Variants in HPS4 observed in about 807,000 individuals in gnomAD.
HPS4 encodes HPS4 biogenesis of lysosomal organelles complex 3 subunit 2, also known as BLOC-3 complex member HPS4.
Under a neutral mutation model 70.3 loss-of-function variants are expected in HPS4, and 44 were observed. The observed-to-expected ratio is 0.63, with a 90% confidence interval of 0.49 to 0.80. The LOEUF is 0.80. Ranked by LOEUF, HPS4 falls within the 30% of genes least tolerant of loss-of-function variation. HPS4 has a pLI of 0.00. For synonymous variants in HPS4, 377 were observed against 355.9 expected, an observed-to-expected ratio of 1.06 and a Z score of -0.67; for missense variants, 873 against 884.4, an observed-to-expected ratio of 0.99 and a Z score of 0.16.
chr22:26,458,320 C>T, intron 12 of HPS4, 125 bp downstream of exon 12: 1 of 1,218,744 alleles, frequency 8.2e-7, no homozygotes, highest in Non-Finnish European at 1.2e-6. Context: ...AGAAGAGAGC[C>T]CTGAACGCAG....
At chr22:26,483,829 G>T, upstream of HPS4, 4 of 1,277,848 alleles carry the variant, frequency 3.1e-6, no homozygotes, top group Non-Finnish European at 4.0e-6. Flanking sequence ...TCCAGCTCCT[G>T]GCAAGCCGGC....
At chr22:26,459,723 T>C (rs2086873954) in intron 11 of HPS4, among the ~76,000 whole-genome samples, 1 of 152,244 alleles carries the variant, frequency 6.6e-6, no homozygotes, top group Non-Finnish European at 1.5e-5. Context: ...GTGCCTCATT[T>C]TTCTAGTCAA....
chr22:26,453,435 A>G, intron 13 of HPS4, 31 bp from the exon 14 acceptor site: 1 of 1,611,970 alleles, frequency 6.2e-7, no homozygotes. Context: ...GCAACGGTCC[A>G]ATGCTGCTGG....
chr22:26,449,400 G>A (rs1412535033), downstream of HPS4, among the ~76,000 whole-genome samples: 1 of 146,178 alleles, frequency 6.8e-6, no homozygotes, highest in Non-Finnish European at 1.5e-5. Flanking sequence ...ATCTCAGCTC[G>A]GCTCACTGCA....
chr22:26,482,823 C>T (rs1332793234), intron 1 of HPS4: 1 of 152,244 alleles, frequency 6.6e-6, no homozygotes, highest in East Asian at 1.9e-4. Context: ...AAACTAAAAT[C>T]TGCGTTCCAG....
chr22:26,471,117 G>A, intron 6 of HPS4: 1 of 467,414 alleles, frequency 2.1e-6, no homozygotes, highest in Non-Finnish European at 4.0e-6. Context: ...CTGGGAGACC[G>A]ACTGTCTACC....
chr22:26,470,972 A>G, intron 6 of HPS4, 159 bp from the exon 7 acceptor site: 2 of 1,466,860 alleles, frequency 1.4e-6, no homozygotes, highest in Non-Finnish European at 1.9e-6. Flanking sequence ...ATGGCTTGGG[A>G]CTATTCTACC....
intron 8 of HPS4, chr22:26,467,279 T>C (rs1016626420): frequency 2.0e-5 from 3 of 152,248 alleles, no homozygotes; most frequent in Non-Finnish European, 4.4e-5. Flanking sequence ...GTAAATATTT[T>C]TGGCTTTGCA....
intron 12 of HPS4, 57 bp downstream of exon 12, chr22:26,458,388 T>C (rs2086583474): frequency 6.2e-7 from 1 of 1,605,402 alleles, no homozygotes. Context: ...AGTTCTCATC[T>C]CCACCCATCT....
chr22:26,455,109 T>C (rs913480553), intron 13 of HPS4, among the ~76,000 whole-genome samples: 6 of 151,566 alleles, frequency 4.0e-5, no homozygotes, highest in African/African-American at 9.7e-5. Flanking sequence ...TGTGGAGAAA[T>C]AGGAACACTT....
downstream of HPS4, among the ~76,000 whole-genome samples, chr22:26,450,857 C>T (rs1206876609): frequency 3.3e-5 from 5 of 152,234 alleles, no homozygotes; most frequent in East Asian, 9.6e-4. Context: ...TCCAGCCCTG[C>T]AGAACTGTGA....
chr22:26,452,994 A>G lies in HPS4; in HGVS notation c.*239T>C. On this transcript the variant is annotated 3_prime_UTR_variant, in exon 14 of 14. Coordinates refer to ENST00000398145, the MANE Select transcript of HPS4 (RefSeq NM_022081.6). ...GGGAGCCAAGCCCGTCCCGGCCCCA[A>G]CACTACCGATTAAATACAGTTCTTT... is the stretch of plus-strand genomic sequence containing the variant. 1.9e-6 allele frequency: 1 copy of G among 532,094 alleles called. No individual in the cohort carries two copies. The highest frequency in any genetic ancestry group is 3.4e-6 in the Non-Finnish European group (1 of 296,196). The allele number at this position is 532,094 out of a possible 1,614,324, so 33.0% of individuals were successfully genotyped here.
chr22:26,458,505 C>T lies in HPS4; in HGVS notation c.1786G>A (p.Ala596Thr), dbSNP rs1439040936. ...AAGTTGTAGGTGCTGCTCGTGGAGG[C>T]TGCCTCATCCCTGGGCAGCGTCTCT... ...LKETLPRDEA[A>T]STSSTYNFTH... The change falls in exon 12 of 14, where the codon GCC (alanine) becomes ACC (threonine). Residue 596 changes from alanine (A) to threonine (T), a missense_variant. Coordinates refer to ENST00000398145, the MANE Select transcript of HPS4 (RefSeq NM_022081.6). The T allele has an allele frequency of 6.2e-7, 1 of 1,614,050 alleles. No homozygotes were observed. Among genetic ancestry groups the T allele is most frequent in the Non-Finnish European group, 8.5e-7 (1 of 1,180,032 alleles).
At position 26,470,824 on chromosome 22, in the gene HPS4, C is replaced by A. The variant is rs1206465746; in HGVS notation, c.502-11G>T. 2 of 1,613,938 alleles carry A rather than the reference C, an allele frequency of 1.2e-6. No individual in the cohort carries two copies. Among genetic ancestry groups the A allele is most frequent in the Admixed American group, 1.7e-5 (1 of 59,992 alleles). ...CAACAGGGGCTCCACCTGTGCAGGG[C>A]AAGAGGCATCATGCCCACCCATCAG... On this transcript the variant is annotated splice_polypyrimidine_tract_variant and intron_variant, in intron 6 of 13. Transcript: ENST00000398145.
rs540080474 is a variant in HPS4 at position 26,454,701 on chromosome 22, C to T, written c.1956-1297G>A. Among the ~76,000 whole-genome samples, 407 of 152,316 alleles carry T rather than the reference C, an allele frequency of 2.7e-3. 1 individual carries two copies. Among genetic ancestry groups the T allele is most frequent in the Non-Finnish European group, 4.7e-3 (321 of 68,028 alleles). The stretch of plus-strand genomic sequence containing the variant: ...GACTTCACATCTAAAACACCAAAAG[C>T]AATGGCAACAAAAGCCAAAATTGAC... On this transcript the variant is annotated intron_variant, in intron 13 of 13. Transcript: ENST00000398145.
intron 10 of HPS4, among the ~76,000 whole-genome samples, 185 bp downstream of exon 10, chr22:26,465,270 T>G (rs1242679950): frequency 6.6e-6 from 1 of 152,218 alleles, no homozygotes; most frequent in Non-Finnish European, 1.5e-5. Flanking sequence ...TGAAAGCCAA[T>G]GTCATCTCTC....
At chr22:26,483,506 G>C (rs560646849) in intron 1 of HPS4, among the ~76,000 whole-genome samples, 168 bp downstream of exon 1, 1 of 152,362 alleles carries the variant, frequency 6.6e-6, no homozygotes, top group South Asian at 2.1e-4. Flanking sequence ...AGCCCCCGGG[G>C]CGCAGGCAGC....
At chr22:26,473,075 C>T in intron 4 of HPS4, 136 bp from the exon 5 acceptor site, 1 of 739,718 alleles carries the variant, frequency 1.4e-6, no homozygotes, top group Non-Finnish European at 2.4e-6. Flanking sequence ...CCTGAGTCCA[C>T]ACCCTTCATT....
intron 3 of HPS4, among the ~76,000 whole-genome samples, chr22:26,478,296 G>T (rs1308717480): frequency 1.3e-5 from 2 of 152,090 alleles, no homozygotes; most frequent in African/African-American, 4.8e-5. Context: ...AGTATTGCCG[G>T]GCGTGGTGGC....
Sources: allele counts gnomAD v4.1 joint callset (sites outside exome capture counted in the v4.1 genomes callset), GRCh38; gene constraint gnomAD v4.1.1; transcripts MANE v1.5; gene names NCBI Gene and HGNC (gene_info 2026-07-23, HGNC 2026-07-21).